The following GRIK2 variants were observed in gnomAD, a reference collection of about 807,000 sequenced individuals.
GRIK2 encodes the protein glutamate ionotropic receptor kainate type subunit 2.
In GRIK2, 32 loss-of-function variants were observed where a neutral mutation model predicts 100.3. The ratio of observed to expected loss-of-function variants is 0.32; its 90% CI spans 0.24 to 0.43. The LOEUF (loss-of-function observed/expected upper bound fraction) is 0.43, where lower values mean the gene tolerates loss of function less well. Ranked by LOEUF, GRIK2 falls within the 20% of genes least tolerant of loss-of-function variation. GRIK2 has a pLI of 1.00. For missense variants in GRIK2, 843 were observed against 1,114.9 expected (o/e 0.76, Z 3.47); for synonymous variants, 417 against 389.4 (o/e 1.07, Z -0.83).
At chr6:101,701,835 C>A (rs975010928) in intron 7 of GRIK2, among the ~76,000 whole-genome samples, 1 of 151,978 alleles carries the variant, frequency 6.6e-6, no homozygotes, top group African/African-American at 2.4e-5. Flanking sequence ...AAGACAATTA[C>A]AATTTTCCAT....
At chr6:101,521,702 T>C (rs1259461718) in intron 2 of GRIK2, among the ~76,000 whole-genome samples, 1 of 151,940 alleles carries the variant, frequency 6.6e-6, no homozygotes, top group Non-Finnish European at 1.5e-5. Flanking sequence ...AATTGTTGTC[T>C]AGTTTTCTTA....
chr6:101,840,474 C>A (rs1344358637), intron 10 of GRIK2, among the ~76,000 whole-genome samples: 4 of 152,106 alleles, frequency 2.6e-5, no homozygotes, highest in South Asian at 2.1e-4. Flanking sequence ...TATCCTGACT[C>A]CAATTAACCC....
rs1409613491 is a variant in GRIK2 at position 102,055,483 on chromosome 6, G to T, written c.2465G>T (p.Gly822Val). The T allele has an allele frequency of 6.2e-7, 1 of 1,613,630 alleles. No homozygotes were observed. The highest frequency in any genetic ancestry group is 1.1e-5 in the South Asian group (1 of 91,080). ...GCCCTGGGGGTTCAGAATATTGGTG[G>T]CATCTTCATTGTTCTGGCAGCCGGC... Reference protein sequence around the residue: ...ASALGVQNIGGIFIVLAAGLV... With the variant: ...ASALGVQNIGVIFIVLAAGLV... Residue 822 changes from glycine (G) to valine (V), a missense_variant, in exon 16 of 17, where the codon GGC (glycine) becomes GTC (valine). Coordinates refer to ENST00000369134, the MANE Select transcript of GRIK2 (RefSeq NM_021956.5).
chr6:101,604,809 A>C (rs1236533926), intron 2 of GRIK2, among the ~76,000 whole-genome samples: 1 of 151,974 alleles, frequency 6.6e-6, no homozygotes, highest in Non-Finnish European at 1.5e-5. Flanking sequence ...CGTAGTAATA[A>C]GTAACATTTA....
chr6:101,800,809 G>C (rs1340475017), intron 8 of GRIK2, among the ~76,000 whole-genome samples: 1 of 152,050 alleles, frequency 6.6e-6, no homozygotes, highest in East Asian at 1.9e-4. Flanking sequence ...GCGAGATGAA[G>C]AATTGATTTT....
intron 7 of GRIK2, chr6:101,744,523 C>CATATATATATATATATAT (rs60236327): frequency 6.2e-4 from 38 of 61,234 alleles, no homozygotes; most frequent in Non-Finnish European, 1.0e-3. Flanking sequence ...TGCGTGCGCG[C>CATATATATATATATATAT]ATATATATAT....
chr6:101,925,895 T>C (rs2128470757), intron 13 of GRIK2, among the ~76,000 whole-genome samples: 1 of 152,116 alleles, frequency 6.6e-6, no homozygotes, highest in South Asian at 2.1e-4. Context: ...AACTATTTCC[T>C]AAAGTGAAAA....
intron 11 of GRIK2, among the ~76,000 whole-genome samples, chr6:101,875,227 C>T (rs1785740358): frequency 6.6e-6 from 1 of 151,756 alleles, no homozygotes; most frequent in Non-Finnish European, 1.5e-5. Context: ...TTTCCCATTC[C>T]TCTTAATCCT....
intron 14 of GRIK2, among the ~76,000 whole-genome samples, chr6:102,017,819 A>AC (rs1277797289): frequency 3.4e-4 from 52 of 152,142 alleles, no homozygotes; most frequent in African/African-American, 1.2e-3. Flanking sequence ...GTCTACTACT[A>AC]AAACCATGAA....
chr6:101,421,295 C>T (rs1343485758), intron 2 of GRIK2, among the ~76,000 whole-genome samples: 5 of 152,306 alleles, frequency 3.3e-5, no homozygotes, highest in African/African-American at 1.2e-4. Flanking sequence ...TTTCTCTCTC[C>T]TGTAAGCTAC....
At chr6:101,507,170 T>C (rs996898178) in intron 2 of GRIK2, among the ~76,000 whole-genome samples, 1 of 152,068 alleles carries the variant, frequency 6.6e-6, no homozygotes, top group Non-Finnish European at 1.5e-5. Flanking sequence ...CTTCAGAAAA[T>C]TACATATATC....
chr6:101,800,065 G>T (rs1417482719), intron 8 of GRIK2, among the ~76,000 whole-genome samples: 1 of 151,872 alleles, frequency 6.6e-6, no homozygotes, highest in African/African-American at 2.4e-5. Context: ...GATTAATAAA[G>T]GAATGTTTAT....
At chr6:101,660,622 G>C (rs1220644525) in intron 4 of GRIK2, among the ~76,000 whole-genome samples, 1 of 152,052 alleles carries the variant, frequency 6.6e-6, no homozygotes, top group Non-Finnish European at 1.5e-5. Flanking sequence ...ATCTACCTTT[G>C]GTGTCTGATG....
chr6:101,533,291 A>G (rs780387605), intron 2 of GRIK2, among the ~76,000 whole-genome samples: 1 of 151,936 alleles, frequency 6.6e-6, no homozygotes, highest in Non-Finnish European at 1.5e-5. Context: ...CCTGACTACA[A>G]GAAGTGAGAA....
At chr6:101,842,661 A>C (rs1442672316) in intron 10 of GRIK2, among the ~76,000 whole-genome samples, 2 of 152,160 alleles carry the variant, frequency 1.3e-5, no homozygotes, top group African/African-American at 2.4e-5. Flanking sequence ...TAAACTCACT[A>C]TTCATTATAG....
chr6:101,417,131 C>A (rs570971523), intron 2 of GRIK2, among the ~76,000 whole-genome samples: 1 of 152,130 alleles, frequency 6.6e-6, no homozygotes, highest in African/African-American at 2.4e-5. Flanking sequence ...GCAGCAGGCA[C>A]GAGAATGTGT....
At chr6:101,963,402 A>G (rs902763840) in intron 14 of GRIK2, among the ~76,000 whole-genome samples, 24 of 136,104 alleles carry the variant, frequency 1.8e-4, no homozygotes, top group Non-Finnish European at 1.4e-4. Flanking sequence ...GGTTCATGCC[A>G]TTCTCCTGCC....
At chr6:101,468,880 C>T (rs2128255136) in intron 2 of GRIK2, among the ~76,000 whole-genome samples, 1 of 152,194 alleles carries the variant, frequency 6.6e-6, no homozygotes, top group Middle Eastern at 3.4e-3. Flanking sequence ...TCTACCTGCC[C>T]TCTCCCACTT....
rs566344518 is a variant in GRIK2, at chr6:101,909,105, A to G, written c.1749-15496A>G. ...ACACAAAGGTTATTCTGTAACTTTTATTAAGGTACTACCAGCTGTTACACA... is the reference window on the plus strand; with the variant it reads ...ACACAAAGGTTATTCTGTAACTTTTGTTAAGGTACTACCAGCTGTTACACA... On this transcript the variant is annotated intron_variant, in intron 12 of 16. Transcript: ENST00000369134. Among the ~76,000 whole-genome samples the G allele has an allele frequency of 6.5e-4, 98 of 151,436 alleles. 2 individuals carry two copies. Among genetic ancestry groups the G allele is most frequent in the African/African-American group, 2.1e-3 (86 of 41,472 alleles).
Sources: gnomAD v4.1 joint callset for allele counts (sites outside exome capture counted in the v4.1 genomes callset) on GRCh38, gnomAD v4.1.1 for gene constraint, MANE v1.5 for transcripts, NCBI Gene and HGNC (gene_info 2026-07-23, HGNC 2026-07-21) for gene names.